Variants in DHTKD1 observed in about 807,000 individuals in gnomAD.
DHTKD1 encodes the protein 2-oxoadipate dehydrogenase complex component E1.
Under a neutral mutation model 101.8 loss-of-function variants are expected in DHTKD1, and 78 were observed. The observed-to-expected ratio is 0.77, with a 90% CI of 0.64 to 0.93. The LOEUF is 0.93. Ranked by LOEUF, DHTKD1 falls within the 40% of genes least tolerant of loss-of-function variation. The probability of loss-of-function intolerance (pLI) is 0.00; values close to 1 mark genes in which losing one functional copy is unlikely to be tolerated. For missense variants in DHTKD1, 1,223 were observed against 1,161.7 expected (o/e 1.05, Z -0.77); for synonymous variants, 462 against 450.3 (o/e 1.03, Z -0.33).
chr10:12,088,829 C>T (rs749218142), intron 4 of DHTKD1, among the ~76,000 whole-genome samples, 157 bp from the exon 5 acceptor site: 5 of 152,118 alleles, frequency 3.3e-5, no homozygotes, highest in Non-Finnish European at 7.4e-5. Flanking sequence ...AAGTGATCTT[C>T]CCGTCTCAGC....
intron 7 of DHTKD1, among the ~76,000 whole-genome samples, 176 bp from the exon 8 acceptor site, chr10:12,097,508 A>T (rs1159086137): frequency 1.3e-5 from 2 of 152,162 alleles, no homozygotes; most frequent in Non-Finnish European, 2.9e-5. Context: ...TCCTGACCTC[A>T]GGTGATCCAC....
intron 1 of DHTKD1, among the ~76,000 whole-genome samples, chr10:12,069,905 C>T (rs2131343126): frequency 6.6e-6 from 1 of 152,032 alleles, no homozygotes. Context: ...CCCAAGGATA[C>T]ATTTCCAGGA....
At chr10:12,083,594 C>A (rs957504361) in intron 2 of DHTKD1, among the ~76,000 whole-genome samples, 1 of 151,978 alleles carries the variant, frequency 6.6e-6, no homozygotes, top group Non-Finnish European at 1.5e-5. Flanking sequence ...ATTAGCCAGA[C>A]GTGGTGGTGT....
intron 8 of DHTKD1, among the ~76,000 whole-genome samples, chr10:12,098,991 T>C (rs1339338980): frequency 2.0e-5 from 3 of 152,086 alleles, no homozygotes; most frequent in Non-Finnish European, 4.4e-5. Context: ...GGCAACATAG[T>C]GGACCTTATC....
At chr10:12,112,069 C>CT (rs34331679) in intron 12 of DHTKD1, among the ~76,000 whole-genome samples, 73,303 of 151,690 alleles carry the variant, frequency 0.48, 19,559 homozygotes, top group South Asian at 0.72. Flanking sequence ...AATCCCAGCA[C>CT]TTTGGGTGGC....
Position 12,081,620 on chromosome 10 carries a change from C to G in DHTKD1, c.303C>G (p.His101Gln), listed in dbSNP as rs368269356. ...ALVQTLQGPF[H>Q]TAGLLNMGKE... is the part of the protein sequence containing the mutation. ...TGCAGACACTGCAGGGACCCTTCCACACGGCAGGTATGGCTTCTGCACAGC... is the reference window on the plus strand; with the variant it reads ...TGCAGACACTGCAGGGACCCTTCCAGACGGCAGGTATGGCTTCTGCACAGC... The change falls in exon 2 of 17, where the codon CAC becomes CAG. Residue 101 changes from histidine to glutamine, a missense_variant. Coordinates refer to ENST00000263035, the MANE Select transcript of DHTKD1 (RefSeq NM_018706.7). 5 of 1,613,994 alleles carry G rather than the reference C, an allele frequency of 3.1e-6. No individual in the cohort carries two copies. The highest frequency in any genetic ancestry group is 4.2e-6 in the Non-Finnish European group (5 of 1,180,022).
At chr10:12,112,377 G>A (rs1301526987) in intron 12 of DHTKD1, among the ~76,000 whole-genome samples, 2 of 152,064 alleles carry the variant, frequency 1.3e-5, no homozygotes, top group Non-Finnish European at 2.9e-5. Context: ...TGCCTTTGGG[G>A]AAGGGTTAGG....
chr10:12,115,565 C>G (rs1213860017), intron 13 of DHTKD1, among the ~76,000 whole-genome samples: 1 of 152,096 alleles, frequency 6.6e-6, no homozygotes, highest in Non-Finnish European at 1.5e-5. Flanking sequence ...AGTCAATAGC[C>G]AGGAAATGGA....
chr10:12,119,136 C>G (rs911395148), intron 15 of DHTKD1, among the ~76,000 whole-genome samples: 1 of 151,554 alleles, frequency 6.6e-6, no homozygotes, highest in Non-Finnish European at 1.5e-5. Flanking sequence ...GAACCCCCGT[C>G]TCTACTAAAA....
intron 3 of DHTKD1, among the ~76,000 whole-genome samples, chr10:12,085,032 CAA>C (rs1007362749): frequency 4.6e-5 from 7 of 151,678 alleles, no homozygotes; most frequent in Non-Finnish European, 7.4e-5. Context: ...CCCTGGGTAA[CAA>C]GAGTGAAACA....
At chr10:12,097,388 T>A (rs1405136679) in intron 7 of DHTKD1, among the ~76,000 whole-genome samples, 1 of 152,182 alleles carries the variant, frequency 6.6e-6, no homozygotes. Context: ...TTCTCCTGCC[T>A]CAGCCTCCTG....
intron 12 of DHTKD1, among the ~76,000 whole-genome samples, chr10:12,111,797 A>G (rs925486158): frequency 6.6e-6 from 1 of 152,124 alleles, no homozygotes; most frequent in African/African-American, 2.4e-5. Context: ...CTGGGAAAGA[A>G]GGAGAATGAG....
At position 12,117,575 on chromosome 10, in the gene DHTKD1, C is replaced by T; in HGVS notation, c.2320-98C>T. The T allele has an allele frequency of 3.9e-6, 3 of 766,206 alleles. No individual in the cohort carries two copies. The South Asian group carries it at 4.5e-5, about 12-fold the overall frequency. The allele number at this position is 766,206 out of a possible 1,614,324, so 47.5% of individuals were successfully genotyped here. A position where few individuals can be genotyped will look rare whatever the true frequency, so the allele number is the denominator to read the frequency against. On this transcript the variant is annotated intron_variant, in intron 13 of 16. Transcript: ENST00000263035. ...ACATGGGTCTCCTTGCAGTGCTAGG[C>T]TAGAACTTTGGTACTCGTGTTTGAT...
chr10:12,098,475 G>C (rs1216764003), intron 8 of DHTKD1, among the ~76,000 whole-genome samples: 1 of 152,126 alleles, frequency 6.6e-6, no homozygotes, highest in Non-Finnish European at 1.5e-5. Flanking sequence ...CTGGAATGTG[G>C]GACTTTAAGT....
intron 1 of DHTKD1, among the ~76,000 whole-genome samples, chr10:12,071,520 C>G (rs2131344200): frequency 6.6e-6 from 1 of 151,958 alleles, no homozygotes; most frequent in East Asian, 1.9e-4. Flanking sequence ...GCCTGTAATC[C>G]CTGCACTTTG....
At chr10:12,070,310 T>C (rs1832633992) in intron 1 of DHTKD1, among the ~76,000 whole-genome samples, 1 of 152,166 alleles carries the variant, frequency 6.6e-6, no homozygotes, top group Non-Finnish European at 1.5e-5. Context: ...TAAGTACAGA[T>C]TGCTTATTAG....
intron 15 of DHTKD1, among the ~76,000 whole-genome samples, chr10:12,119,170 G>T (rs565268538): frequency 6.6e-6 from 1 of 151,416 alleles, no homozygotes; most frequent in Non-Finnish European, 1.5e-5. Flanking sequence ...GCCGGGCGTG[G>T]TGGCGGGCGC....
rs1183909924 is a variant in DHTKD1 at position 12,122,356 on chromosome 10, C to T, written c.*1468C>T. 3 of 152,214 alleles carry T rather than the reference C, an allele frequency of 2.0e-5. No homozygotes were observed. Among genetic ancestry groups the T allele is most frequent in the African/African-American group, 7.2e-5 (3 of 41,438 alleles). 9.4% of individuals were successfully genotyped at this position (152,214 alleles called of 1,614,324 possible). ...TCTTGGCTGGGCGCTGCGGCTTGCG[C>T]CTGTAATCTCAGCACTTTGGGAGGC... On this transcript the variant is annotated 3_prime_UTR_variant, in exon 17 of 17. Coordinates refer to ENST00000263035, the MANE Select transcript of DHTKD1 (RefSeq NM_018706.7).
chr10:12,102,971 C>T (rs1422620965), intron 10 of DHTKD1, among the ~76,000 whole-genome samples: 1 of 151,946 alleles, frequency 6.6e-6, no homozygotes, highest in East Asian at 1.9e-4. Context: ...ACCTGTAATC[C>T]CAGCACTTTG....
Sources: allele counts gnomAD v4.1 joint callset (sites outside exome capture counted in the v4.1 genomes callset), GRCh38; gene constraint gnomAD v4.1.1; transcripts MANE v1.5; gene names NCBI Gene and HGNC (gene_info 2026-07-23, HGNC 2026-07-21).